MYO6: variants seen among roughly 807,000 people sequenced by gnomAD.
MYO6 encodes the protein myosin VI.
MYO6 carries 74 observed loss-of-function variants against 178.7 expected under a neutral mutation model. The ratio of observed to expected loss-of-function variants is 0.41; its 90% CI spans 0.34 to 0.50. MYO6 has a LOEUF of 0.50. MYO6 is among the 20% of genes least tolerant of loss of function. The probability of loss-of-function intolerance (pLI) is 0.09; values close to 1 mark genes in which losing one functional copy is unlikely to be tolerated. For synonymous variants in MYO6, 477 were observed against 504.6 expected (o/e 0.95, Z 0.73); for missense variants, 1,330 against 1,547.4 (o/e 0.86, Z 2.36).
intron 2 of MYO6, 70 bp downstream of exon 2, chr6:75,817,734 G>A (rs1390030844): frequency 2.9e-5 from 38 of 1,321,998 alleles, no homozygotes; most frequent in Non-Finnish European, 4.0e-5. Context: ...ACAAGAGTAA[G>A]GTCTGTCTTC....
Position 75,756,881 on chromosome 6 carries a change from T to C in MYO6, c.-48+7458T>C, listed in dbSNP as rs976670289. Among the ~76,000 whole-genome samples, 131 of 88,700 alleles carry C rather than the reference T, an allele frequency of 1.5e-3. 2 individuals are homozygous for C. The highest frequency in any genetic ancestry group is 4.0e-3 in the African/African-American group (125 of 31,304). 58.2% of individuals were successfully genotyped at this position (88,700 alleles called of 152,430 possible). On this transcript the variant is annotated intron_variant, in intron 1 of 34. Transcript: ENST00000369977. ...TACTAATGTGGAAAGAGTACTTATGTGTGTTGTGTGTGTATATATATATAT... is the reference window on the plus strand; with the variant it reads ...TACTAATGTGGAAAGAGTACTTATGCGTGTTGTGTGTGTATATATATATAT...
intron 23 of MYO6, among the ~76,000 whole-genome samples, 178 bp from the exon 24 acceptor site, chr6:75,885,826 C>T (rs1474958364): frequency 2.0e-5 from 3 of 151,864 alleles, no homozygotes; most frequent in African/African-American, 4.8e-5. Flanking sequence ...TTGAGACTGT[C>T]AAAACAAAAA....
At chr6:75,810,758 CAA>C (rs757393479) in intron 1 of MYO6, among the ~76,000 whole-genome samples, 1 of 152,168 alleles carries the variant, frequency 6.6e-6, no homozygotes, top group Non-Finnish European at 1.5e-5. Flanking sequence ...GCAGGCCTGT[CAA>C]GAGATAGAAC....
chr6:75,870,708 CA>C (rs1777076202), intron 19 of MYO6, 23 bp downstream of exon 19: 1 of 1,601,090 alleles, frequency 6.2e-7, no homozygotes, highest in Non-Finnish European at 8.5e-7. Context: ...AAAAAGAAAA[CA>C]GGTTTTTATG....
At chr6:75,859,092 G>A in intron 14 of MYO6, 99 bp downstream of exon 14, 1 of 811,770 alleles carries the variant, frequency 1.2e-6, no homozygotes, top group Non-Finnish European at 2.0e-6. Context: ...GTGGATGGAT[G>A]GTGTATAACG....
At chr6:75,906,764 A>C (rs1272879523) in intron 30 of MYO6, among the ~76,000 whole-genome samples, 1 of 152,164 alleles carries the variant, frequency 6.6e-6, no homozygotes, top group Non-Finnish European at 1.5e-5. Flanking sequence ...GAAAAAGTTG[A>C]ATTTATTTCA....
chr6:75,891,375 G>C (rs1778889607), intron 27 of MYO6, 69 bp downstream of exon 27: 4 of 1,194,826 alleles, frequency 3.3e-6, no homozygotes, highest in Non-Finnish European at 4.8e-6. Flanking sequence ...GCTCATGCCT[G>C]TAATCCCAGC....
intron 29 of MYO6, among the ~76,000 whole-genome samples, chr6:75,896,414 CA>C (rs1475657599): frequency 6.6e-6 from 1 of 152,204 alleles, no homozygotes; most frequent in Non-Finnish European, 1.5e-5. Flanking sequence ...TCTACAAATA[CA>C]AATTGATATA....
At chr6:75,761,789 T>A (rs1777974598) in intron 1 of MYO6, among the ~76,000 whole-genome samples, 4 of 150,866 alleles carry the variant, frequency 2.7e-5, no homozygotes, top group Admixed American at 2.6e-4. Context: ...GGTTAGTATT[T>A]TCAGAACATG....
In MYO6 at chr6:75,907,679, A is replaced by C; in HGVS notation, c.3251A>C (p.Glu1084Ala). Residue 1084 changes from glutamate (E) to alanine (A), a missense_variant, in exon 31 of 35, where the codon GAA (glutamate) becomes GCA (alanine). By Grantham distance (107) the Glu-to-Ala change is moderately radical (BLOSUM62 -1). This residue lies in a region of MYO6 where 601 missense variants were observed against 626.1 expected (regional missense o/e 0.96). Coordinates refer to ENST00000369977, the MANE Select transcript of MYO6 (RefSeq NM_004999.4). ...GATCTTAGTAAATGGAAATATGCAG[A>C]ACTACGTGATACCATCAATACTTCT... ...KYDLSKWKYA[E>A]LRDTINTSCD... is the part of the protein sequence containing the mutation. The C allele has an allele frequency of 1.2e-6, 2 of 1,613,328 alleles. No homozygotes were observed. The highest frequency in any genetic ancestry group is 1.7e-6 in the Non-Finnish European group (2 of 1,179,640).
At chr6:75,854,608 C>T (rs767028541) in intron 11 of MYO6, among the ~76,000 whole-genome samples, 5 of 152,034 alleles carry the variant, frequency 3.3e-5, no homozygotes, top group Non-Finnish European at 7.4e-5. Flanking sequence ...GATACTCAGC[C>T]TGTACAGGTA....
At chr6:75,763,886 A>G (rs372470959) in intron 1 of MYO6, among the ~76,000 whole-genome samples, 2 of 152,214 alleles carry the variant, frequency 1.3e-5, no homozygotes, top group Non-Finnish European at 2.9e-5. Flanking sequence ...CAGGTAAAAT[A>G]CTTATTTCCT....
At chr6:75,779,501 GA>G (rs952830675) in intron 1 of MYO6, among the ~76,000 whole-genome samples, 50 of 142,660 alleles carry the variant, frequency 3.5e-4, no homozygotes, top group Admixed American at 4.2e-4. Flanking sequence ...GATTCCATCT[GA>G]AAAAAAAAAA....
chr6:75,753,809 G>A lies in MYO6; in HGVS notation c.-48+4386G>A, dbSNP rs943302259. On this transcript the variant is annotated intron_variant, in intron 1 of 34. Coordinates refer to ENST00000369977, the MANE Select transcript of MYO6 (RefSeq NM_004999.4). ...AACCAGGATCTTTTCATTTAAAATG[G>A]TTCTGATTTTATTTGACAAATTTGA... is the stretch of plus-strand genomic sequence containing the variant. 5.3e-5 allele frequency among the ~76,000 whole-genome samples: 8 copies of A among 152,068 alleles called. No homozygotes were observed. In the East Asian group the frequency reaches 1.3e-3, roughly 26 times the overall value.
intron 1 of MYO6, among the ~76,000 whole-genome samples, chr6:75,759,886 C>T (rs894672946): frequency 6.6e-6 from 1 of 152,156 alleles, no homozygotes; most frequent in African/African-American, 2.4e-5. Context: ...TAACACAAAG[C>T]ACTTTTGTTA....
Position 75,914,256 on chromosome 6 carries a change from C to G in MYO6, c.3633C>G (p.Asp1211Glu). 6.2e-7 allele frequency: 1 copy of G among 1,614,228 alleles called. No homozygotes were observed. Among genetic ancestry groups the G allele is most frequent in the Non-Finnish European group, 8.5e-7 (1 of 1,180,034 alleles). Residue 1211 changes from aspartate to glutamate, a missense_variant, in exon 34 of 35, where the codon GAC (aspartate) becomes GAG (glutamate). By Grantham distance (45) the Asp-to-Glu change is conservative. Coordinates refer to ENST00000369977, the MANE Select transcript of MYO6 (RefSeq NM_004999.4). ...WIARQMELHP[D>E]KPPILLVAGK... ...CCCGGCAAATGGAACTCCATCCTGA[C>G]AAGCCACCCATCCTACTTGTGGCTG...
chr6:75,800,123 A>G (rs1324666650), intron 1 of MYO6, among the ~76,000 whole-genome samples: 1 of 152,118 alleles, frequency 6.6e-6, no homozygotes. Context: ...TGTAGAATGC[A>G]TTTGTAATAA....
At chr6:75,874,373 T>C (rs1367514366) in intron 20 of MYO6, among the ~76,000 whole-genome samples, 1 of 152,236 alleles carries the variant, frequency 6.6e-6, no homozygotes, top group Non-Finnish European at 1.5e-5. Flanking sequence ...CTCTCAAACC[T>C]GTCCTGCCAA....
intron 5 of MYO6, among the ~76,000 whole-genome samples, chr6:75,831,823 G>A (rs77213227): frequency 1.3e-5 from 2 of 151,548 alleles, no homozygotes; most frequent in African/African-American, 2.4e-5. Flanking sequence ...TCAGGAGATC[G>A]AGGCTGCAGT....
Sources: allele counts gnomAD v4.1 joint callset (sites outside exome capture counted in the v4.1 genomes callset), GRCh38; gene constraint gnomAD v4.1.1; regional missense constraint gnomAD v4.1.1; transcripts MANE v1.5; gene names NCBI Gene and HGNC (gene_info 2026-07-23, HGNC 2026-07-21).